ACR: variants seen among roughly 807,000 people sequenced by gnomAD.
ACR encodes acrosin light and heavy chain prepropeptide.
In ACR, 17 loss-of-function variants were observed where a neutral mutation model predicts 26.0. The ratio of observed to expected loss-of-function variants is 0.65; its 90% CI spans 0.45 to 0.98. The LOEUF is 0.98. Among genes scored for constraint, ACR ranks in the 50% least tolerant of loss-of-function variants. The probability of loss-of-function intolerance (pLI) is 0.00; values close to 1 mark genes in which losing one functional copy is unlikely to be tolerated. For synonymous variants in ACR, 199 were observed against 207.7 expected, an observed-to-expected ratio of 0.96 and a Z score of 0.36; for missense variants, 435 against 519.3, an observed-to-expected ratio of 0.84 and a Z score of 1.58.
chr22:50,738,336 G>A, intron 1 of ACR, 24 bp downstream of exon 1: 1 of 1,611,644 alleles, frequency 6.2e-7, no homozygotes. Flanking sequence ...CACCTTGGTG[G>A]GGGAAGGATC....
intron 1 of ACR, among the ~76,000 whole-genome samples, chr22:50,738,991 C>T (rs900753952): frequency 2.0e-5 from 3 of 152,194 alleles, no homozygotes; most frequent in Admixed American, 2.0e-4. Flanking sequence ...TGCCCAGGGA[C>T]GGGCCATCCC....
rs1465520535 is a variant in ACR, at chr22:50,744,648, G to C, written c.712-5G>C. The C allele has an allele frequency of 5.0e-6, 8 of 1,611,794 alleles. No individual in the cohort carries two copies. The highest frequency in any genetic ancestry group is 1.1e-5 in the South Asian group (1 of 90,826). ...AGATAGTGACCTCTGTGTCCTTCTG[G>C]ACAGGGAGACAGCGGCGGGCCTCTC... On this transcript the variant is annotated splice_region_variant and splice_polypyrimidine_tract_variant and intron_variant, in intron 4 of 4. Transcript: ENST00000216139.
chr22:50,743,848 T>C (rs1412314652), intron 3 of ACR, among the ~76,000 whole-genome samples: 1 of 152,060 alleles, frequency 6.6e-6, no homozygotes, highest in African/African-American at 2.4e-5. Context: ...TCTCTTCCTC[T>C]CTCCTCTGGC....
Position 50,739,879 on chromosome 22 carries a change from G to T in ACR, c.467G>T (p.Arg156Leu), listed in dbSNP as rs769428134. 6.0e-5 allele frequency: 97 copies of T among 1,612,522 alleles called. 2 individuals carry two copies. In the South Asian group the frequency reaches 1.0e-3, roughly 17 times the overall value. ...ATCACCCCTCCCATTTCGTGTGGGCGCTTCATTGGGCCGGGCTGCCTGCCC... is the reference window on the plus strand; with the variant it reads ...ATCACCCCTCCCATTTCGTGTGGGCTCTTCATTGGGCCGGGCTGCCTGCCC... ...VEITPPISCG[R>L]FIGPGCLPHF... Residue 156 changes from arginine to leucine, a missense_variant, in exon 3 of 5, where the codon CGC becomes CTC. This residue lies in a region of ACR where 314 missense variants were observed against 372.0 expected (regional missense o/e 0.84). Coordinates refer to ENST00000216139, the MANE Select transcript of ACR (RefSeq NM_001097.3). This position sits in a 1 kb window ranked among gnomAD's most constrained non-coding sequence, Gnocchi z 5.5.
At chr22:50,741,796 G>A (rs1442450086) in intron 3 of ACR, among the ~76,000 whole-genome samples, 2 of 150,776 alleles carry the variant, frequency 1.3e-5, no homozygotes, top group African/African-American at 4.9e-5. Flanking sequence ...CTTTCCCATT[G>A]GGTTTTGAGT....
chr22:50,740,710 C>T (rs2083421487), intron 3 of ACR: 1 of 702,576 alleles, frequency 1.4e-6, no homozygotes, highest in Admixed American at 2.0e-5. Context: ...CTGTCTCTCT[C>T]TCCCCTGGCT....
chr22:50,742,094 C>T (rs2083426815), intron 3 of ACR, among the ~76,000 whole-genome samples: 2 of 151,886 alleles, frequency 1.3e-5, no homozygotes, highest in South Asian at 4.1e-4. Context: ...CAAGATCACG[C>T]CACTGCACTC....
Position 50,744,535 on chromosome 22 carries a change from G to A in ACR, c.712-118G>A, listed in dbSNP as rs2083440499. 21 of 1,418,214 alleles carry A rather than the reference G, an allele frequency of 1.5e-5. No homozygotes were observed. In the South Asian group the frequency reaches 2.1e-4, roughly 14 times the overall value. 87.9% of individuals were successfully genotyped at this position (1,418,214 alleles called of 1,614,324 possible). On this transcript the variant is annotated intron_variant, in intron 4 of 4. Transcript: ENST00000216139. ...CTCAAACTTTACTACAACCACTTGTGTTTACAGCAGCAGGAGACCATGTCA... is the reference window on the plus strand; with the variant it reads ...CTCAAACTTTACTACAACCACTTGTATTTACAGCAGCAGGAGACCATGTCA...
chr22:50,739,384 C>G lies in ACR; in HGVS notation c.191C>G (p.Thr64Arg), dbSNP rs1064733. The G allele has an allele frequency of 1.9e-6, 3 of 1,614,048 alleles. No homozygotes were observed. The highest frequency in any genetic ancestry group is 2.2e-5 in the South Asian group (2 of 91,050). The stretch of plus-strand genomic sequence containing the variant: ...TGGATGGTCAGCCTCCAGATCTTCA[C>G]GTACAACAGCCACAGGTACCACACA... The part of the protein sequence containing the change: ...WPWMVSLQIF[T>R]YNSHRYHTCG... The change falls in exon 2 of 5, where the codon ACG becomes AGG. Residue 64 changes from threonine (T) to arginine (R), a missense_variant. Transcript: ENST00000216139. The surrounding 1 kb of genome is among the most constrained non-coding windows in gnomAD (Gnocchi z 5.5).
At chr22:50,740,570 A>T (rs1191095875) in intron 3 of ACR, 2 of 702,236 alleles carry the variant, frequency 2.8e-6, no homozygotes, top group African/African-American at 1.7e-5. Context: ...TGGGAAGGGG[A>T]CCGGTGGTTG....
Position 50,744,837 on chromosome 22 carries a change from C to T in ACR, c.896C>T (p.Ser299Leu), listed in dbSNP as rs751572898. Residue 299 changes from serine to leucine, a missense_variant, in exon 5 of 5, where the codon TCG becomes TTG. Transcript: ENST00000216139. The stretch of plus-strand genomic sequence containing the variant: ...TCTAACGCTTTGCGTATGATTCAAT[C>T]GGCCACCCCTCCACCTCCCACCACT... ...IGSNALRMIQ[S>L]ATPPPPTTRP... 42 of 1,600,176 alleles carry T rather than the reference C, an allele frequency of 2.6e-5. No individual in the cohort carries two copies. In the East Asian group the frequency reaches 3.0e-4, roughly 11 times the overall value.
rs1306525088 is a variant in ACR at position 50,744,949 on chromosome 22, A to T, written c.1008A>T (p.Pro336=). 2 of 1,418,504 alleles carry T rather than the reference A, an allele frequency of 1.4e-6. No homozygotes were observed. Among genetic ancestry groups the T allele is most frequent in the South Asian group, 2.7e-5 (2 of 73,054 alleles). 87.9% of individuals were successfully genotyped at this position (1,418,504 alleles called of 1,614,324 possible). A position where few individuals can be genotyped will look rare whatever the true frequency, so the allele number is the denominator to read the frequency against. ...TCCAACCGCCCCCTCGACCACTTCC[A>T]CCCCGACCACCGGCAGCCCAGCCCC... ...WYFQPPPRPL[P]PRPPAAQPRP... is the part of the protein sequence containing the mutation. Residue 336 remains proline (P), a synonymous_variant, in exon 5 of 5, where the codon CCA becomes CCT. Coordinates refer to ENST00000216139, the MANE Select transcript of ACR (RefSeq NM_001097.3).
At position 50,738,302 on chromosome 22, in the gene ACR, G is replaced by T. The variant is rs1272231856; in HGVS notation, c.67G>T (p.Ala23Ser). Reference protein sequence around the residue: ...LAVSVVAKDNATCDGPCGLRF... With the variant: ...LAVSVVAKDNSTCDGPCGLRF... ...AGTGTCCGTGGTTGCTAAAGATAAC[G>T]CCACGTGTGAGTAAGTGTCGGGGCA... The change falls in exon 1 of 5, where the codon GCC becomes TCC. Residue 23 changes from alanine to serine, a missense_variant. Coordinates refer to ENST00000216139, the MANE Select transcript of ACR (RefSeq NM_001097.3). The T allele has an allele frequency of 6.2e-7, 1 of 1,613,866 alleles. No individual in the cohort carries two copies. The highest frequency in any genetic ancestry group is 8.5e-7 in the Non-Finnish European group (1 of 1,179,904).
chr22:50,739,845 C>G lies in ACR; in HGVS notation c.433C>G (p.Leu145Val), dbSNP rs2083416524. The G allele has an allele frequency of 1.2e-6, 2 of 1,612,094 alleles. No individual in the cohort carries two copies. Reference sequence around the variant, plus strand: ...TGCGACAGAGGGAAATGACATTGCCCTCGTGGAGATCACCCCTCCCATTTC... The same window carrying G: ...TGCGACAGAGGGAAATGACATTGCCGTCGTGGAGATCACCCCTCCCATTTC... ...NSATEGNDIA[L>V]VEITPPISCG... The change falls in exon 3 of 5, where the codon CTC becomes GTC. Residue 145 changes from leucine (L) to valine (V), a missense_variant. Around this residue, in one of 3 missense-constraint regions of ACR, gnomAD observed 314 missense variants for 372.0 expected, o/e 0.84. Transcript: ENST00000216139. The surrounding 1 kb of genome is among the most constrained non-coding windows in gnomAD (Gnocchi z 5.5).
Position 50,739,169 on chromosome 22 carries a change from C to G in ACR, c.78-102C>G, listed in dbSNP as rs1731089172. 3 of 1,099,164 alleles carry G rather than the reference C, an allele frequency of 2.7e-6. No individual in the cohort carries two copies. In the East Asian group the frequency reaches 7.8e-5, roughly 29 times the overall value. The allele number at this position is 1,099,164 out of a possible 1,614,324, so 68.1% of individuals were successfully genotyped here. On this transcript the variant is annotated intron_variant, in intron 1 of 4. Coordinates refer to ENST00000216139, the MANE Select transcript of ACR (RefSeq NM_001097.3). The surrounding 1 kb of genome is among the most constrained non-coding windows in gnomAD (Gnocchi z 5.5). ...TTTCCCAGAACCCGGAAGCTCTTCC[C>G]CACTTTTCCCAACCCCATGTCCCTG...
At position 50,739,985 on chromosome 22, in the gene ACR, T is replaced by C. The variant is rs755978747; in HGVS notation, c.565+8T>C. The C allele has an allele frequency of 6.2e-6, 10 of 1,612,866 alleles. No individual in the cohort carries two copies. Among genetic ancestry groups the C allele is most frequent in the Non-Finnish European group, 7.6e-6 (9 of 1,179,962 alleles). On this transcript the variant is annotated splice_region_variant and intron_variant, in intron 3 of 4. Coordinates refer to ENST00000216139, the MANE Select transcript of ACR (RefSeq NM_001097.3). This position sits in a 1 kb window ranked among gnomAD's most constrained non-coding sequence, Gnocchi z 5.5. ...GATATATAGAAGAGAAAGGTGAGTA[T>C]GGGAGCGCCTCCAAGGGGGGACGCT...
chr22:50,743,181 G>A (rs978413165), intron 3 of ACR, among the ~76,000 whole-genome samples: 20 of 150,000 alleles, frequency 1.3e-4, no homozygotes, highest in South Asian at 4.2e-4. Flanking sequence ...GACTACAGGC[G>A]CCCGCCACCA....
rs1286315231 is a variant in ACR at position 50,739,229 on chromosome 22, G to C, written c.78-42G>C. On this transcript the variant is annotated intron_variant, in intron 1 of 4. Transcript: ENST00000216139. This position sits in a 1 kb window ranked among gnomAD's most constrained non-coding sequence, Gnocchi z 5.5. ...AGTTGTGGAGTTACAAGGACAGGCT[G>C]TGCTCATGCCAGGTTTGAACTGTGC... 6 of 1,515,878 alleles carry C rather than the reference G, an allele frequency of 4.0e-6. No individual in the cohort carries two copies. Among genetic ancestry groups the C allele is most frequent in the Non-Finnish European group, 4.5e-6 (5 of 1,116,724 alleles). 93.9% of individuals were successfully genotyped at this position (1,515,878 alleles called of 1,614,324 possible). A position where few individuals can be genotyped will look rare whatever the true frequency, so the allele number is the denominator to read the frequency against.
intron 3 of ACR, chr22:50,740,717 G>A: frequency 1.4e-6 from 1 of 702,522 alleles, no homozygotes; most frequent in Non-Finnish European, 2.6e-6. Flanking sequence ...TCTCTCCCCT[G>A]GCTCCCAGAA....
Sources: allele counts gnomAD v4.1 joint callset (sites outside exome capture counted in the v4.1 genomes callset), GRCh38; gene constraint gnomAD v4.1.1; regional missense constraint gnomAD v4.1.1; non-coding constraint Gnocchi (gnomAD v3.1); transcripts MANE v1.5; gene names NCBI Gene and HGNC (gene_info 2026-07-23, HGNC 2026-07-21).